DKK2: variants seen among roughly 807,000 people sequenced by gnomAD.
DKK2 encodes dickkopf Wnt signaling pathway inhibitor 2.
Under a neutral mutation model 28.1 loss-of-function variants are expected in DKK2, and 11 were observed. That is an observed-to-expected ratio of 0.39 (90% confidence interval 0.25 to 0.65). DKK2 has a LOEUF of 0.65. Ranked by LOEUF, DKK2 falls within the 30% of genes least tolerant of loss-of-function variation. The pLI, the probability that DKK2 is intolerant of heterozygous loss-of-function variation, is 0.47. For missense variants in DKK2, 326 were observed against 335.5 expected (o/e 0.97, Z 0.22); for synonymous variants, 135 against 126.5 (o/e 1.07, Z -0.45).
chr4:107,003,136 T>C (rs953143502), intron 1 of DKK2, among the ~76,000 whole-genome samples: 3 of 152,168 alleles, frequency 2.0e-5, no homozygotes. Flanking sequence ...CTTGCCTCTC[T>C]CTTAGTTTTT....
At chr4:106,968,812 C>T (rs1329565424) in intron 1 of DKK2, among the ~76,000 whole-genome samples, 1 of 152,050 alleles carries the variant, frequency 6.6e-6, no homozygotes, top group East Asian at 1.9e-4. Context: ...GGCTGGCTCT[C>T]CTCATAGTTC....
At position 106,973,731 on chromosome 4, in the gene DKK2, T is replaced by G. The variant is rs1333458309; in HGVS notation, c.223-47782A>C. 2.0e-5 allele frequency among the ~76,000 whole-genome samples: 3 copies of G among 152,224 alleles called. No homozygotes were observed. The East Asian group carries it at 5.8e-4, about 29-fold the overall frequency. ...TTTCTTTTGCTGTGCAGAAGCTCTT[T>G]AGCTTAATTAGATCCCATTTGTCTA... On this transcript the variant is annotated intron_variant, in intron 1 of 3. Transcript: ENST00000285311.
chr4:107,000,568 T>C (rs929392969), intron 1 of DKK2, among the ~76,000 whole-genome samples: 2 of 152,206 alleles, frequency 1.3e-5, no homozygotes, highest in Non-Finnish European at 2.9e-5. Context: ...GTCTGTTATA[T>C]ACTAATCATT....
At chr4:107,031,287 T>C (rs1723871262) in intron 1 of DKK2, among the ~76,000 whole-genome samples, 1 of 151,938 alleles carries the variant, frequency 6.6e-6, no homozygotes, top group Non-Finnish European at 1.5e-5. Context: ...AAAGTTGGGC[T>C]GAGGTTAGAA....
At chr4:107,009,606 T>C (rs943740100) in intron 1 of DKK2, among the ~76,000 whole-genome samples, 1 of 151,702 alleles carries the variant, frequency 6.6e-6, no homozygotes, top group Admixed American at 6.6e-5. Flanking sequence ...CTGGGAAGGG[T>C]AGAGCAAAGG....
At chr4:106,941,476 C>T (rs1724698054) in intron 1 of DKK2, among the ~76,000 whole-genome samples, 1 of 152,110 alleles carries the variant, frequency 6.6e-6, no homozygotes, top group Admixed American at 6.6e-5. Flanking sequence ...CTAGGTATCT[C>T]AGGCCTATAT....
At chr4:106,942,110 G>T in intron 1 of DKK2, among the ~76,000 whole-genome samples, 1 of 152,072 alleles carries the variant, frequency 6.6e-6, no homozygotes, top group East Asian at 1.9e-4. Flanking sequence ...TTGAAAGGGA[G>T]GAAATTATAA....
intron 1 of DKK2, among the ~76,000 whole-genome samples, chr4:106,980,795 T>A (rs1257688889): frequency 2.6e-5 from 4 of 152,170 alleles, no homozygotes; most frequent in Non-Finnish European, 5.9e-5. Flanking sequence ...AATAACTAAG[T>A]GCTACATGCC....
intron 1 of DKK2, among the ~76,000 whole-genome samples, chr4:106,993,342 A>G (rs1723230360): frequency 6.6e-6 from 1 of 152,244 alleles, no homozygotes; most frequent in East Asian, 1.9e-4. Flanking sequence ...ACATACTAAA[A>G]TGTTCAATAA....
At chr4:106,977,565 C>T (rs995460223) in intron 1 of DKK2, among the ~76,000 whole-genome samples, 6 of 152,106 alleles carry the variant, frequency 3.9e-5, no homozygotes, top group Admixed American at 2.6e-4. Flanking sequence ...TCACAAAGTT[C>T]TCTTGCTGTG....
intron 1 of DKK2, among the ~76,000 whole-genome samples, chr4:106,936,927 G>C (rs1724598675): frequency 1.3e-5 from 2 of 151,732 alleles, no homozygotes; most frequent in Admixed American, 1.3e-4. Flanking sequence ...GAGAGATTTT[G>C]TCACCACCAG....
At chr4:106,964,550 C>T (rs1017421404) in intron 1 of DKK2, among the ~76,000 whole-genome samples, 3 of 151,994 alleles carry the variant, frequency 2.0e-5, no homozygotes, top group East Asian at 1.9e-4. Context: ...TTTCTTGAGG[C>T]GATGGATATC....
At chr4:106,944,086 T>G (rs1724741811) in intron 1 of DKK2, among the ~76,000 whole-genome samples, 1 of 152,104 alleles carries the variant, frequency 6.6e-6, no homozygotes, top group Admixed American at 6.6e-5. Context: ...CATGACAGCT[T>G]CCTTTAAACA....
intron 1 of DKK2, among the ~76,000 whole-genome samples, chr4:106,990,112 T>C (rs1488803101): frequency 6.6e-6 from 1 of 152,208 alleles, no homozygotes; most frequent in Admixed American, 6.5e-5. Context: ...ATAAAAATAA[T>C]AAAGTTGTTT....
In DKK2 at chr4:106,964,960, T is replaced by G. The variant is rs201240862; in HGVS notation, c.223-39011A>C. Among the ~76,000 whole-genome samples the G allele has an allele frequency of 6.0e-3, 885 of 146,412 alleles. 8 individuals carry two copies. Among genetic ancestry groups the G allele is most frequent in the African/African-American group, 0.02 (777 of 39,196 alleles). ...GATAGATTAGATATAGATAGATAGA[T>G]ATAGATAGATAGATAGATAGATAGA... On this transcript the variant is annotated intron_variant, in intron 1 of 3. Coordinates refer to ENST00000285311, the MANE Select transcript of DKK2 (RefSeq NM_014421.3).
intron 1 of DKK2, among the ~76,000 whole-genome samples, chr4:106,985,009 A>T (rs1723095013): frequency 6.6e-6 from 1 of 152,090 alleles, no homozygotes; most frequent in South Asian, 2.1e-4. Context: ...GGAGAGAGAG[A>T]CCATCCTGGC....
intron 1 of DKK2, among the ~76,000 whole-genome samples, chr4:106,970,269 TA>T (rs1722852128): frequency 6.6e-6 from 1 of 152,074 alleles, no homozygotes; most frequent in Middle Eastern, 3.2e-3. Context: ...ATTAAGGAGA[TA>T]GATAAGCACT....
chr4:106,954,582 C>T (rs1407208390), intron 1 of DKK2, among the ~76,000 whole-genome samples: 1 of 152,130 alleles, frequency 6.6e-6, no homozygotes, highest in Non-Finnish European at 1.5e-5. Flanking sequence ...AGTGCAATGG[C>T]ATGATCTCGG....
intron 1 of DKK2, among the ~76,000 whole-genome samples, chr4:106,948,418 T>C (rs967690820): frequency 2.0e-5 from 3 of 152,160 alleles, no homozygotes; most frequent in Non-Finnish European, 4.4e-5. Flanking sequence ...CCCTATTCTT[T>C]AATTATAGGT....
Sources: gnomAD v4.1 joint callset for allele counts (sites outside exome capture counted in the v4.1 genomes callset) on GRCh38, gnomAD v4.1.1 for gene constraint, MANE v1.5 for transcripts, NCBI Gene and HGNC (gene_info 2026-07-23, HGNC 2026-07-21) for gene names.